ATP8B4: variants seen among roughly 807,000 people sequenced by gnomAD.
The protein encoded by ATP8B4 is probable phospholipid-transporting ATPase IM.
A neutral mutation model predicts 145.6 loss-of-function variants in ATP8B4; 133 were observed. The ratio of observed to expected loss-of-function variants is 0.91; its 90% confidence interval spans 0.79 to 1.05. The LOEUF is 1.05. ATP8B4 is among the 50% of genes least tolerant of loss of function. The pLI is 0.00. For synonymous variants in ATP8B4, 507 were observed against 492.9 expected (o/e 1.03, Z -0.38); for missense variants, 1,458 against 1,425.2 (o/e 1.02, Z -0.37).
intron 5 of ATP8B4, among the ~76,000 whole-genome samples, chr15:50,043,788 C>T (rs1414640220): frequency 2.0e-5 from 3 of 151,016 alleles, no homozygotes; most frequent in African/African-American, 7.3e-5. Flanking sequence ...CCCGTCTCTA[C>T]TAAAAATACA....
At chr15:50,029,482 C>T (rs1278546961) in intron 6 of ATP8B4, among the ~76,000 whole-genome samples, 1 of 152,036 alleles carries the variant, frequency 6.6e-6, no homozygotes, top group African/African-American at 2.4e-5. Context: ...CTCTTCTTTC[C>T]TTCTCTTCTC....
chr15:50,051,749 T>C (rs1454294144), intron 3 of ATP8B4, among the ~76,000 whole-genome samples: 1 of 152,222 alleles, frequency 6.6e-6, no homozygotes. Context: ...GAGGTTAGCC[T>C]AGCATCTTGC....
chr15:50,005,984 A>C (rs138715147), intron 7 of ATP8B4, among the ~76,000 whole-genome samples: 2,631 of 152,320 alleles, frequency 0.017, 29 homozygotes, highest in Middle Eastern at 0.034. Flanking sequence ...CTACAACATT[A>C]TCTTTTATTT....
intron 20 of ATP8B4, among the ~76,000 whole-genome samples, chr15:49,914,697 C>G (rs1054561667): frequency 6.6e-6 from 1 of 152,002 alleles, no homozygotes; most frequent in Non-Finnish European, 1.5e-5. Flanking sequence ...CACAAATAGC[C>G]AACTTATATA....
Position 50,038,825 on chromosome 15 carries a change from C to T in ATP8B4, c.305G>A (p.Arg102His), listed in dbSNP as rs945620225. Residue 102 changes from arginine to histidine, a missense_variant, in exon 6 of 28, where the codon CGC (arginine) becomes CAC (histidine). By Grantham distance (29) the Arg-to-His change is conservative. Transcript: ENST00000284509. ...ATTCACTTGATTATCACTCTTGTGG[C>T]GAAACTGAAAAATCAAAGTGTTTGT... ...AVKDATDDYF[R>H]HKSDNQVNNR... The T allele has an allele frequency of 8.7e-6, 14 of 1,612,962 alleles. No homozygotes were observed. The highest frequency in any genetic ancestry group is 1.7e-5 in the Admixed American group (1 of 59,970).
At chr15:50,063,692 G>C (rs1392527109) in intron 3 of ATP8B4, among the ~76,000 whole-genome samples, 1 of 152,062 alleles carries the variant, frequency 6.6e-6, no homozygotes, top group African/African-American at 2.4e-5. Context: ...ATAAATTCTA[G>C]ACTATTGTGT....
chr15:49,970,963 G>A lies in ATP8B4; in HGVS notation c.1243+1619C>T, dbSNP rs1252644107. Among the ~76,000 whole-genome samples, 6 of 151,954 alleles carry A rather than the reference G, an allele frequency of 3.9e-5. No homozygotes were observed. The East Asian group carries it at 9.6e-4, about 24-fold the overall frequency. On this transcript the variant is annotated intron_variant, in intron 13 of 27. Transcript: ENST00000284509. ...ACAGAACAGAGGCCTCAGAAATAAC[G>A]CCACACACCTACAACCCATCTGATC...
At chr15:49,910,837 C>A (rs2039152436) in intron 20 of ATP8B4, among the ~76,000 whole-genome samples, 1 of 152,066 alleles carries the variant, frequency 6.6e-6, no homozygotes, top group South Asian at 2.1e-4. Flanking sequence ...GAAATAAAGT[C>A]TTTCCCAGAC....
intron 14 of ATP8B4, among the ~76,000 whole-genome samples, chr15:49,941,120 G>A (rs2042133290): frequency 6.6e-6 from 1 of 152,106 alleles, no homozygotes; most frequent in South Asian, 2.1e-4. Flanking sequence ...GGGTAATAAA[G>A]GGAGAAGAGT....
chr15:49,972,879 A>C (rs1184497707), intron 12 of ATP8B4, 89 bp from the exon 13 acceptor site: 1 of 1,329,828 alleles, frequency 7.5e-7, no homozygotes, highest in African/African-American at 1.5e-5. Context: ...AGTCTGCCAA[A>C]GTCTCCAGGG....
chr15:50,107,049 A>G, intron 1 of ATP8B4, 41 bp from the exon 2 acceptor site: 2 of 1,331,766 alleles, frequency 1.5e-6, no homozygotes, highest in Non-Finnish European at 2.0e-6. Context: ...TGAAAAATGC[A>G]CAATAACTAT....
intron 1 of ATP8B4, among the ~76,000 whole-genome samples, chr15:50,110,183 G>T (rs988261189): frequency 2.0e-5 from 3 of 152,140 alleles, no homozygotes; most frequent in African/African-American, 7.2e-5. Context: ...TCCAGAAGTT[G>T]TTTCTTATTA....
chr15:50,113,230 G>C (rs545236808), intron 1 of ATP8B4: 2 of 152,422 alleles, frequency 1.3e-5, no homozygotes, highest in South Asian at 4.1e-4. Context: ...CTGAGGAGCA[G>C]GTAGGATTGG....
chr15:50,165,347 C>A (rs1230023718), intron 1 of ATP8B4, among the ~76,000 whole-genome samples: 1 of 152,218 alleles, frequency 6.6e-6, no homozygotes, highest in Non-Finnish European at 1.5e-5. Flanking sequence ...GCCACCACGA[C>A]CAGCCCCTCT....
intron 13 of ATP8B4, among the ~76,000 whole-genome samples, chr15:49,964,299 C>T (rs573522267): frequency 1.3e-5 from 2 of 151,598 alleles, no homozygotes; most frequent in Admixed American, 1.3e-4. Flanking sequence ...ACCCTGTATG[C>T]AGTCACTGTA....
chr15:50,010,824 C>A, intron 7 of ATP8B4, 21 bp downstream of exon 7: 1 of 1,447,848 alleles, frequency 6.9e-7, no homozygotes, highest in South Asian at 1.3e-5. Flanking sequence ...ATAAATTATT[C>A]AAACAATATT....
intron 20 of ATP8B4, among the ~76,000 whole-genome samples, chr15:49,909,722 C>CAAAAAAAA (rs995336781): frequency 4.2e-5 from 3 of 72,014 alleles, no homozygotes; most frequent in Admixed American, 1.6e-4. Flanking sequence ...CTTTGTTTAC[C>CAAAAAAAA]AAAAAAAAAA....
rs1481495967 is a variant in ATP8B4 at position 50,038,869 on chromosome 15, G to A, written c.301-40C>T. 5 of 1,567,138 alleles carry A rather than the reference G, an allele frequency of 3.2e-6. No individual in the cohort carries two copies. In the African/African-American group the frequency reaches 4.1e-5, roughly 13 times the overall value. ...TGTTTGTGAGAAAACACATTACAAG[G>A]TACTTTGTCAGCCCAAATAAGCACA... On this transcript the variant is annotated intron_variant, in intron 5 of 27. Transcript: ENST00000284509.
chr15:49,990,427 G>A (rs929121900), intron 9 of ATP8B4, among the ~76,000 whole-genome samples: 13 of 152,220 alleles, frequency 8.5e-5, no homozygotes, highest in South Asian at 4.1e-4. Flanking sequence ...AGAAAATCAC[G>A]TCAATAATGA....
Sources: allele counts gnomAD v4.1 joint callset (sites outside exome capture counted in the v4.1 genomes callset), GRCh38; gene constraint gnomAD v4.1.1; transcripts MANE v1.5; gene names NCBI Gene and HGNC (gene_info 2026-07-23, HGNC 2026-07-21).